The following CNTN1 variants were observed in gnomAD, a reference collection of about 807,000 sequenced individuals.
CNTN1 encodes the protein contactin 1.
CNTN1 carries 38 observed loss-of-function variants against 126.4 expected under a neutral mutation model. The ratio of observed to expected loss-of-function variants is 0.30; its 90% confidence interval spans 0.23 to 0.39. The LOEUF (loss-of-function observed/expected upper bound fraction) is 0.39, where lower values mean the gene tolerates loss of function less well. Ranked by LOEUF, CNTN1 falls within the 10% of genes least tolerant of loss-of-function variation. The pLI, the probability that CNTN1 is intolerant of heterozygous loss-of-function variation, is 1.00. For synonymous variants in CNTN1, 413 were observed against 422.6 expected, an observed-to-expected ratio of 0.98 and a Z score of 0.28; for missense variants, 1,009 against 1,248.4, an observed-to-expected ratio of 0.81 and a Z score of 2.89.
At chr12:40,993,322 A>C (rs1948137169) in intron 17 of CNTN1, 53 bp downstream of exon 17, 1 of 1,419,284 alleles carries the variant, frequency 7.0e-7, no homozygotes, top group African/African-American at 1.4e-5. Flanking sequence ...ATACAGTGCC[A>C]CTTTCATATA....
intron 9 of CNTN1, among the ~76,000 whole-genome samples, chr12:40,935,358 A>C (rs1946045289): frequency 6.6e-6 from 1 of 152,106 alleles, no homozygotes; most frequent in Non-Finnish European, 1.5e-5. Context: ...TCAACAGAGT[A>C]AAATTTTGAA....
chr12:40,875,788 GT>G (rs1259390262), intron 1 of CNTN1, among the ~76,000 whole-genome samples: 1 of 151,802 alleles, frequency 6.6e-6, no homozygotes, highest in Non-Finnish European at 1.5e-5. Context: ...TTGTTTTCAG[GT>G]TTTTTTGGCT....
chr12:40,980,955 C>A lies in CNTN1; in HGVS notation c.1851C>A (p.Ala617=). The A allele has an allele frequency of 6.2e-7, 1 of 1,613,968 alleles. No individual in the cohort carries two copies. The part of the protein sequence containing the change: ...PGGLRIEDIR[A]TSVALTWSRG... ...GTCTGAGAATAGAAGACATTAGAGC[C>A]ACTTCTGTGGCACTTACTTGGAGCC... is the stretch of plus-strand genomic sequence containing the variant. The change falls in exon 16 of 24, where the codon GCC becomes GCA. Residue 617 remains alanine, a synonymous_variant. Transcript: ENST00000551295.
chr12:40,960,145 C>G (rs891356126), intron 15 of CNTN1, among the ~76,000 whole-genome samples: 2 of 151,984 alleles, frequency 1.3e-5, no homozygotes, highest in Admixed American at 6.6e-5. Context: ...ATTTTCATAA[C>G]ATATATTGCT....
At chr12:40,841,298 T>C (rs1942269666) in intron 1 of CNTN1, among the ~76,000 whole-genome samples, 1 of 151,798 alleles carries the variant, frequency 6.6e-6, no homozygotes, top group South Asian at 2.1e-4. Flanking sequence ...AAAAAGTCTC[T>C]CAACATAGAA....
At chr12:40,970,126 C>T (rs1428145892) in intron 15 of CNTN1, among the ~76,000 whole-genome samples, 1 of 151,964 alleles carries the variant, frequency 6.6e-6, no homozygotes, top group African/African-American at 2.4e-5. Flanking sequence ...CTTGGAGGAC[C>T]ACTATTTGAT....
chr12:40,947,888 C>T (rs913149521), intron 14 of CNTN1, among the ~76,000 whole-genome samples: 3 of 149,500 alleles, frequency 2.0e-5, no homozygotes, highest in African/African-American at 7.4e-5. Flanking sequence ...GACATTATTG[C>T]CTGTCTTATA....
chr12:40,890,509 T>C (rs1944203981), intron 1 of CNTN1, among the ~76,000 whole-genome samples: 1 of 152,042 alleles, frequency 6.6e-6, no homozygotes, highest in Non-Finnish European at 1.5e-5. Flanking sequence ...CCTATTCATT[T>C]CTCCCTCCTT....
In CNTN1 at chr12:40,933,775, T is replaced by C. The variant is rs760650497; in HGVS notation, c.882T>C (p.Val294=). The C allele has an allele frequency of 1.2e-5, 19 of 1,612,706 alleles. No homozygotes were observed. The highest frequency in any genetic ancestry group is 1.6e-5 in the Non-Finnish European group (19 of 1,179,160). The change falls in exon 9 of 24, where the codon GTT becomes GTC. Residue 294 remains valine (V), a synonymous_variant. Transcript: ENST00000551295. The part of the protein sequence containing the change: ...STAEISTSGA[V]LKIFNIQLED... ...CTGAGATTAGCACCTCTGGGGCTGTTCTTAAGATCTTCAATATTCAGCTAG... is the reference window on the plus strand; with the variant it reads ...CTGAGATTAGCACCTCTGGGGCTGTCCTTAAGATCTTCAATATTCAGCTAG...
intron 14 of CNTN1, among the ~76,000 whole-genome samples, chr12:40,948,352 C>CAAA (rs202160837): frequency 0.04 from 4,251 of 105,426 alleles, 82 homozygotes; most frequent in Middle Eastern, 0.16. Flanking sequence ...AGACTGAGAC[C>CAAA]AAAAAAAAAA....
intron 23 of CNTN1, among the ~76,000 whole-genome samples, chr12:41,042,023 G>C (rs1285666140): frequency 6.6e-6 from 1 of 151,958 alleles, no homozygotes; most frequent in Non-Finnish European, 1.5e-5. Flanking sequence ...GTCAGTTTTG[G>C]ATCTTTCCTG....
chr12:41,030,190 A>T (rs901089206), intron 23 of CNTN1, among the ~76,000 whole-genome samples: 1 of 151,138 alleles, frequency 6.6e-6, no homozygotes, highest in Non-Finnish European at 1.5e-5. Context: ...TAAGAAAACT[A>T]AAAAAAAAGA....
intron 14 of CNTN1, among the ~76,000 whole-genome samples, chr12:40,950,100 GTGT>G (rs1566019867): frequency 2.5e-3 from 19 of 7,588 alleles, no homozygotes; most frequent in Admixed American, 6.9e-3. Context: ...TTGAGAGGGT[GTGT>G]GTGTGTGTGT....
intron 1 of CNTN1, among the ~76,000 whole-genome samples, chr12:40,816,367 G>C (rs1941255780): frequency 6.6e-6 from 1 of 152,168 alleles, no homozygotes; most frequent in Non-Finnish European, 1.5e-5. Context: ...ATTCTTCCTG[G>C]TTTAGTCCTG....
At chr12:40,874,493 A>C (rs1000662025) in intron 1 of CNTN1, among the ~76,000 whole-genome samples, 6 of 152,114 alleles carry the variant, frequency 3.9e-5, no homozygotes, top group African/African-American at 1.4e-4. Flanking sequence ...CAGATGTCTA[A>C]ATTATAAAGC....
At chr12:40,970,836 C>T (rs1947484532) in intron 15 of CNTN1, among the ~76,000 whole-genome samples, 1 of 152,128 alleles carries the variant, frequency 6.6e-6, no homozygotes. Flanking sequence ...CACTGTAAGC[C>T]TCAAGTTCCA....
At chr12:40,916,727 A>G (rs1021442686) in intron 3 of CNTN1, among the ~76,000 whole-genome samples, 1 of 152,056 alleles carries the variant, frequency 6.6e-6, no homozygotes, top group Non-Finnish European at 1.5e-5. Context: ...TAATCTTAAT[A>G]ATAATTGTGG....
At chr12:40,776,658 C>G (rs1364078912) in intron 1 of CNTN1, among the ~76,000 whole-genome samples, 1 of 151,630 alleles carries the variant, frequency 6.6e-6, no homozygotes, top group African/African-American at 2.4e-5. Context: ...AAGTTTTAGA[C>G]TTAAGAAAGG....
intron 15 of CNTN1, chr12:40,971,678 A>G (rs1947517089): frequency 2.8e-6 from 4 of 1,422,788 alleles, no homozygotes; most frequent in Non-Finnish European, 3.6e-6. Flanking sequence ...GGGCATAAAT[A>G]TTTTTTAAAA....
Sources: gnomAD v4.1 joint callset for allele counts (sites outside exome capture counted in the v4.1 genomes callset) on GRCh38, gnomAD v4.1.1 for gene constraint, MANE v1.5 for transcripts, NCBI Gene and HGNC (gene_info 2026-07-23, HGNC 2026-07-21) for gene names.